Variants in CDH13 observed in about 807,000 individuals in gnomAD.
The protein encoded by CDH13 is cadherin-13.
CDH13 carries 24 observed loss-of-function variants against 63.8 expected under a neutral mutation model. That is an observed-to-expected ratio of 0.38 (90% CI 0.27 to 0.53). CDH13 has a LOEUF of 0.53. Among genes scored for constraint, CDH13 ranks in the 20% least tolerant of loss-of-function variants. The probability of loss-of-function intolerance (pLI) is 0.85; values close to 1 mark genes in which losing one functional copy is unlikely to be tolerated. For synonymous variants in CDH13, 503 were observed against 355.3 expected (o/e 1.42, Z -4.67); for missense variants, 1,049 against 903.1 (o/e 1.16, Z -2.07).
At chr16:83,713,668 T>G (rs80343858) in intron 10 of CDH13, among the ~76,000 whole-genome samples, 1,832 of 152,262 alleles carry the variant, frequency 0.012, 45 homozygotes, top group African/African-American at 0.042. Flanking sequence ...AGTGAATTGA[T>G]GTATCTCACA....
rs188834561 is a variant in CDH13 at position 82,731,700 on chromosome 16, A to G, written c.45+104563A>G. The stretch of plus-strand genomic sequence containing the variant: ...GGCTACAAGTGTAAGAGTTTGGAAA[A>G]AAATCAACAAAAGCATTCTGTGAGA... On this transcript the variant is annotated intron_variant, in intron 1 of 13. Coordinates refer to ENST00000567109, the MANE Select transcript of CDH13 (RefSeq NM_001257.5). Among the ~76,000 whole-genome samples, 216 of 152,358 alleles carry G rather than the reference A, an allele frequency of 1.4e-3. 1 individual carries two copies. Among genetic ancestry groups the G allele is most frequent in the African/African-American group, 5.0e-3 (207 of 41,582 alleles).
At chr16:83,613,598 C>T (rs900054011) in intron 8 of CDH13, among the ~76,000 whole-genome samples, 9 of 152,062 alleles carry the variant, frequency 5.9e-5, no homozygotes, top group African/African-American at 4.8e-5. Flanking sequence ...TTTGGGAGAC[C>T]GGTGGGCAGA....
chr16:83,061,769 C>A (rs900649931), intron 3 of CDH13, among the ~76,000 whole-genome samples: 2 of 152,186 alleles, frequency 1.3e-5, no homozygotes, highest in African/African-American at 4.8e-5. Flanking sequence ...AGCCTCACCC[C>A]AGATACGGCA....
chr16:83,266,816 C>G (rs1907679376), intron 5 of CDH13, among the ~76,000 whole-genome samples: 1 of 152,204 alleles, frequency 6.6e-6, no homozygotes, highest in South Asian at 2.1e-4. Context: ...CCCCACCTCT[C>G]AGGGCTTCTT....
chr16:82,693,259 A>T (rs146291495), intron 1 of CDH13, among the ~76,000 whole-genome samples: 175 of 152,320 alleles, frequency 1.1e-3, no homozygotes, highest in African/African-American at 4.0e-3. Flanking sequence ...TGACCCAGTT[A>T]ACCCATGGTT....
intron 8 of CDH13, among the ~76,000 whole-genome samples, chr16:83,650,348 T>A (rs989938469): frequency 6.6e-6 from 1 of 152,252 alleles, no homozygotes; most frequent in African/African-American, 2.4e-5. Context: ...TGAATGTTTT[T>A]CTGGCAACAT....
At chr16:83,052,801 A>AAG (rs1555571695) in intron 3 of CDH13, among the ~76,000 whole-genome samples, 2,732 of 122,190 alleles carry the variant, frequency 0.022, 157 homozygotes, top group African/African-American at 0.065. Context: ...AAAAAAAAAA[A>AAG]AAAGAAAGAA....
chr16:83,714,691 G>A (rs965007155), intron 10 of CDH13, among the ~76,000 whole-genome samples: 1 of 152,158 alleles, frequency 6.6e-6, no homozygotes, highest in Non-Finnish European at 1.5e-5. Context: ...ATATTCATGA[G>A]TTAAATGGGC....
Position 83,073,346 on chromosome 16 carries a change from T to TGA in CDH13, c.366+41129_366+41130insAG, listed in dbSNP as rs1255637010. ...CTGTGTGTGTGTGTGTGTGTGTGTG[T>TGA]GTGTGTGTGAGAGAGAGAGAGAGAG... is the stretch of plus-strand genomic sequence containing the variant. On this transcript the variant is annotated intron_variant, in intron 3 of 13. Coordinates refer to ENST00000567109, the MANE Select transcript of CDH13 (RefSeq NM_001257.5). Among the ~76,000 whole-genome samples, 140 of 129,756 alleles carry TGA rather than the reference T, an allele frequency of 1.1e-3. 1 individual carries two copies. Among genetic ancestry groups the TGA allele is most frequent in the South Asian group, 8.9e-3 (39 of 4,370 alleles). 85.1% of individuals were successfully genotyped at this position (129,756 alleles called of 152,430 possible).
intron 5 of CDH13, among the ~76,000 whole-genome samples, chr16:83,276,170 C>A (rs1323149014): frequency 1.3e-5 from 2 of 152,126 alleles, no homozygotes; most frequent in Non-Finnish European, 2.9e-5. Flanking sequence ...CAAGGGACAG[C>A]CCAATCCATC....
chr16:83,571,764 T>G (rs1050838607), intron 7 of CDH13, among the ~76,000 whole-genome samples: 3 of 152,192 alleles, frequency 2.0e-5, no homozygotes, highest in African/African-American at 7.2e-5. Context: ...CAAACTGCAT[T>G]TTCTTTTCGC....
intron 2 of CDH13, among the ~76,000 whole-genome samples, chr16:82,877,288 A>T (rs1316429365): frequency 6.6e-6 from 1 of 152,238 alleles, no homozygotes; most frequent in Admixed American, 6.5e-5. Context: ...TGAGCTATTT[A>T]TCTAGCTAAG....
chr16:83,257,917 C>G (rs1252421228), intron 5 of CDH13, among the ~76,000 whole-genome samples: 1 of 152,158 alleles, frequency 6.6e-6, no homozygotes, highest in Non-Finnish European at 1.5e-5. Context: ...TCTCTAATAC[C>G]TCACCAGCAT....
intron 2 of CDH13, among the ~76,000 whole-genome samples, chr16:82,959,134 C>T (rs1288735243): frequency 1.3e-5 from 2 of 152,208 alleles, no homozygotes; most frequent in South Asian, 2.1e-4. Flanking sequence ...AGTTATGGCA[C>T]ATACACAACA....
intron 4 of CDH13, among the ~76,000 whole-genome samples, chr16:83,198,280 T>TTC (rs1327745855): frequency 6.6e-6 from 1 of 150,864 alleles, no homozygotes; most frequent in African/African-American, 2.5e-5. Context: ...CATGATTTCT[T>TTC]TCTCTTCTGT....
intron 7 of CDH13, among the ~76,000 whole-genome samples, chr16:83,496,086 A>C (rs576009766): frequency 6.6e-6 from 1 of 151,996 alleles, no homozygotes; most frequent in East Asian, 1.9e-4. Flanking sequence ...CATACTGCCC[A>C]AGGTAATTTA....
chr16:83,359,727 T>C (rs556315582), intron 6 of CDH13, among the ~76,000 whole-genome samples: 1 of 152,326 alleles, frequency 6.6e-6, no homozygotes, highest in Admixed American at 6.5e-5. Context: ...TTGTCACAAA[T>C]TTGCAATTTC....
At chr16:82,865,470 A>G (rs1020704581) in intron 2 of CDH13, among the ~76,000 whole-genome samples, 1 of 152,158 alleles carries the variant, frequency 6.6e-6, no homozygotes, top group African/African-American at 2.4e-5. Flanking sequence ...CAGGCCCAAC[A>G]CCACGTGTAA....
chr16:83,234,202 G>C, intron 5 of CDH13, among the ~76,000 whole-genome samples: 1 of 152,214 alleles, frequency 6.6e-6, no homozygotes, highest in East Asian at 1.9e-4. Context: ...TCCAGAGTGG[G>C]AGTGCCCCAG....
Sources: allele counts gnomAD v4.1 joint callset (sites outside exome capture counted in the v4.1 genomes callset), GRCh38; gene constraint gnomAD v4.1.1; transcripts MANE v1.5; gene names NCBI Gene and HGNC (gene_info 2026-07-23, HGNC 2026-07-21).